POC1A: variants seen among roughly 807,000 people sequenced by gnomAD.
The protein encoded by POC1A is POC1 centriolar protein A.
In POC1A, 34 loss-of-function variants were observed where a neutral mutation model predicts 47.8. That is an observed-to-expected ratio of 0.71 (90% CI 0.54 to 0.95). The LOEUF is 0.95. Among genes scored for constraint, POC1A ranks in the 40% least tolerant of loss-of-function variants. The pLI, the probability that POC1A is intolerant of heterozygous loss-of-function variation, is 0.00. For missense variants in POC1A, 466 were observed against 528.3 expected, an observed-to-expected ratio of 0.88 and a Z score of 1.16; for synonymous variants, 177 against 207.6, an observed-to-expected ratio of 0.85 and a Z score of 1.27.
chr3:52,077,120 G>A (rs1338097925), intron 10 of POC1A, among the ~76,000 whole-genome samples: 1 of 152,242 alleles, frequency 6.6e-6, no homozygotes, highest in East Asian at 1.9e-4. Context: ...GGTTGGCTGA[G>A]TGCCTTACTG....
At chr3:52,153,023 G>T (rs1463454361) in intron 1 of POC1A, among the ~76,000 whole-genome samples, 2 of 152,216 alleles carry the variant, frequency 1.3e-5, no homozygotes, top group African/African-American at 4.8e-5. Context: ...TGGGGAAAGA[G>T]AAGAAATGGT....
intron 9 of POC1A, among the ~76,000 whole-genome samples, chr3:52,119,047 G>A (rs1042015452): frequency 2.0e-5 from 3 of 150,370 alleles, no homozygotes; most frequent in Non-Finnish European, 2.9e-5. Context: ...AGAAGACTGC[G>A]ACCAAATGAG....
At chr3:52,101,038 C>G (rs1702983572) in intron 9 of POC1A, among the ~76,000 whole-genome samples, 2 of 148,512 alleles carry the variant, frequency 1.3e-5, no homozygotes, top group South Asian at 2.1e-4. Flanking sequence ...GAGACAGAGT[C>G]TGCTTAAGAC....
At chr3:52,082,170 TGAGGAGGGAAGGAA>T (rs1702316957) in intron 10 of POC1A, among the ~76,000 whole-genome samples, 1 of 149,790 alleles carries the variant, frequency 6.7e-6, no homozygotes, top group South Asian at 2.1e-4. Flanking sequence ...AGCCAGTGGG[TGAGGAGGGAAGGAA>T]GAGGGGGGAG....
intron 6 of POC1A, among the ~76,000 whole-genome samples, chr3:52,140,489 C>T (rs1439911443): frequency 1.3e-5 from 2 of 152,190 alleles, no homozygotes; most frequent in Non-Finnish European, 1.5e-5. Flanking sequence ...CTCTGGGCTT[C>T]CCAGCACCAT....
intron 9 of POC1A, among the ~76,000 whole-genome samples, chr3:52,099,674 A>C (rs1577833769): frequency 6.6e-6 from 1 of 152,216 alleles, no homozygotes; most frequent in African/African-American, 2.4e-5. Flanking sequence ...AATATGGTGA[A>C]ACCCTATCTC....
intron 4 of POC1A, among the ~76,000 whole-genome samples, chr3:52,148,366 G>A (rs1280705299): frequency 6.6e-6 from 1 of 152,218 alleles, no homozygotes; most frequent in Non-Finnish European, 1.5e-5. Context: ...ACAGTAACTT[G>A]TATGGGGTCC....
Position 52,138,315 on chromosome 3 carries a change from C to T in POC1A, c.680-13G>A, listed in dbSNP as rs750680784. ...GCTGCACTGTGCACTGGGGGAAGGA[C>T]ATCAGTCAGGTGCTGGCTAGGAGGC... On this transcript the variant is annotated splice_polypyrimidine_tract_variant and intron_variant, in intron 6 of 10. Coordinates refer to ENST00000296484, the MANE Select transcript of POC1A (RefSeq NM_015426.5). 4 of 1,606,764 alleles carry T rather than the reference C, an allele frequency of 2.5e-6. No individual in the cohort carries two copies. The highest frequency in any genetic ancestry group is 3.4e-6 in the Non-Finnish European group (4 of 1,176,364).
In POC1A at chr3:52,138,258, T is replaced by C. The variant is rs934119493; in HGVS notation, c.724A>G (p.Asn242Asp). ...VNGLSFHPSG[N>D]YLITASSDST... ...TCACTGGAGGCTGTGATCAGGTAGT[T>C]TCCCGACGGGTGGAAAGAGAGCCCG... The change falls in exon 7 of 11, where the codon AAC becomes GAC. Residue 242 changes from asparagine to aspartate, a missense_variant. By Grantham distance (23) the Asn-to-Asp change is conservative (BLOSUM62 1). Transcript: ENST00000296484. 2.5e-6 allele frequency: 4 copies of C among 1,614,068 alleles called. No homozygotes were observed. The highest frequency in any genetic ancestry group is 3.4e-6 in the Non-Finnish European group (4 of 1,180,008).
At chr3:52,077,382 A>G (rs1255539431) in intron 10 of POC1A, among the ~76,000 whole-genome samples, 1 of 152,258 alleles carries the variant, frequency 6.6e-6, no homozygotes, top group Non-Finnish European at 1.5e-5. Flanking sequence ...TAAGGCTGCT[A>G]TAAATTCTTG....
Position 52,110,821 on chromosome 3 carries a change from C to T in POC1A, c.981+11558G>A, listed in dbSNP as rs1308977794. 2.0e-5 allele frequency among the ~76,000 whole-genome samples: 3 copies of T among 152,254 alleles called. No homozygotes were observed. The East Asian group carries it at 5.8e-4, about 29-fold the overall frequency. Reference sequence around the variant, plus strand: ...AGACTCCACTTTCTGTCCTGTGACTCAGGTTCATTTCCCCACATGCACATG... The same window carrying T: ...AGACTCCACTTTCTGTCCTGTGACTTAGGTTCATTTCCCCACATGCACATG... On this transcript the variant is annotated intron_variant, in intron 9 of 10. Coordinates refer to ENST00000296484, the MANE Select transcript of POC1A (RefSeq NM_015426.5).
chr3:52,123,891 A>G (rs1364959008), intron 8 of POC1A, among the ~76,000 whole-genome samples: 1 of 152,162 alleles, frequency 6.6e-6, no homozygotes, highest in Non-Finnish European at 1.5e-5. Context: ...TCTTCTAAGC[A>G]ATAAGCCAGG....
In POC1A at chr3:52,154,407, G is replaced by A. The variant is rs760191691; in HGVS notation, c.-35C>T. 2.1e-6 allele frequency: 3 copies of A among 1,428,134 alleles called. No individual in the cohort carries two copies. Among genetic ancestry groups the A allele is most frequent in the Non-Finnish European group, 2.7e-6 (3 of 1,096,804 alleles). 88.5% of individuals were successfully genotyped at this position (1,428,134 alleles called of 1,614,324 possible). A position where few individuals can be genotyped will look rare whatever the true frequency, so the allele number is the denominator to read the frequency against. ...GGCGGCGCCGAAGGCAGCTGCGGTG[G>A]CCGTTGCGGCCCGTTCAGTTTCCGC... On this transcript the variant is annotated 5_prime_UTR_variant, in exon 1 of 11. Coordinates refer to ENST00000296484, the MANE Select transcript of POC1A (RefSeq NM_015426.5).
intron 8 of POC1A, among the ~76,000 whole-genome samples, chr3:52,123,562 T>C (rs1325063895): frequency 6.6e-6 from 1 of 152,196 alleles, no homozygotes; most frequent in East Asian, 1.9e-4. Flanking sequence ...CTGTTTCCTC[T>C]CCCAGATGGA....
chr3:52,114,928 G>C (rs990871708), intron 9 of POC1A, among the ~76,000 whole-genome samples: 3 of 152,192 alleles, frequency 2.0e-5, no homozygotes, highest in Non-Finnish European at 4.4e-5. Context: ...TGTGGGCAAT[G>C]CCAGCTATTC....
chr3:52,106,162 C>G (rs540037938), intron 9 of POC1A, among the ~76,000 whole-genome samples: 1 of 117,668 alleles, frequency 8.5e-6, no homozygotes, highest in Admixed American at 1.2e-4. Flanking sequence ...GCCACTGTGA[C>G]AGAGAGAGAC....
intron 7 of POC1A, among the ~76,000 whole-genome samples, chr3:52,133,632 G>T (rs772629701): frequency 6.6e-6 from 1 of 152,124 alleles, no homozygotes; most frequent in African/African-American, 2.4e-5. Context: ...CTGTCCTGGC[G>T]CTCCTTGTAC....
chr3:52,114,480 GCA>G (rs572904901), intron 9 of POC1A, among the ~76,000 whole-genome samples: 18 of 152,322 alleles, frequency 1.2e-4, no homozygotes, highest in African/African-American at 3.9e-4. Context: ...GCATGCATGT[GCA>G]CACACACAGG....
At chr3:52,087,476 TGG>T (rs1426320986) in intron 10 of POC1A, among the ~76,000 whole-genome samples, 1 of 152,196 alleles carries the variant, frequency 6.6e-6, no homozygotes, top group East Asian at 1.9e-4. Flanking sequence ...CTTGAGCCTA[TGG>T]TCCGCGGTTG....
Sources: gnomAD v4.1 joint callset for allele counts (sites outside exome capture counted in the v4.1 genomes callset) on GRCh38, gnomAD v4.1.1 for gene constraint, MANE v1.5 for transcripts, NCBI Gene and HGNC (gene_info 2026-07-23, HGNC 2026-07-21) for gene names.